PTPRD: variants seen among roughly 807,000 people sequenced by gnomAD.
PTPRD encodes receptor-type tyrosine-protein phosphatase delta.
In PTPRD, 34 loss-of-function variants were observed where a neutral mutation model predicts 214.5. That is an observed-to-expected ratio of 0.16 (90% confidence interval 0.12 to 0.21). The LOEUF is 0.21. Among genes scored for constraint, PTPRD ranks in the 10% least tolerant of loss-of-function variants. The probability of loss-of-function intolerance (pLI) is 1.00; values close to 1 mark genes in which losing one functional copy is unlikely to be tolerated. For synonymous variants in PTPRD, 1,128 were observed against 845.7 expected, an observed-to-expected ratio of 1.33 and a Z score of -5.79; for missense variants, 2,545 against 2,398.7, an observed-to-expected ratio of 1.06 and a Z score of -1.27.
At chr9:9,217,269 T>A (rs1331291546) in intron 9 of PTPRD, among the ~76,000 whole-genome samples, 1 of 152,122 alleles carries the variant, frequency 6.6e-6, no homozygotes. Flanking sequence ...TTTATAAGGG[T>A]CTTGTATAAG....
intron 11 of PTPRD, among the ~76,000 whole-genome samples, chr9:8,788,922 G>GTCC (rs374067761): frequency 0.012 from 1,876 of 152,200 alleles, 42 homozygotes; most frequent in African/African-American, 0.042. Context: ...CCAATTTAAT[G>GTCC]TTTACTGGAC....
At chr9:10,331,966 T>C (rs2096758726) in intron 3 of PTPRD, among the ~76,000 whole-genome samples, 1 of 151,824 alleles carries the variant, frequency 6.6e-6, no homozygotes, top group African/African-American at 2.4e-5. Flanking sequence ...GAGAAGGATA[T>C]ATCGAATCAC....
chr9:10,295,694 G>A (rs2095653918), intron 3 of PTPRD, among the ~76,000 whole-genome samples: 1 of 151,924 alleles, frequency 6.6e-6, no homozygotes, highest in South Asian at 2.1e-4. Context: ...ATGGCAAAAG[G>A]AATTCTTCAG....
intron 6 of PTPRD, among the ~76,000 whole-genome samples, chr9:9,755,343 G>T (rs1398842513): frequency 6.6e-6 from 1 of 151,940 alleles, no homozygotes; most frequent in African/African-American, 2.4e-5. Context: ...GGTAAAAATT[G>T]GGAAAAAATT....
chr9:9,447,633 G>C (rs1329682579), intron 8 of PTPRD, among the ~76,000 whole-genome samples: 1 of 151,958 alleles, frequency 6.6e-6, no homozygotes, highest in Non-Finnish European at 1.5e-5. Flanking sequence ...ATGTTTACCT[G>C]TATGAGAAAC....
chr9:8,927,311 G>T (rs568542515), intron 11 of PTPRD, among the ~76,000 whole-genome samples: 20 of 152,166 alleles, frequency 1.3e-4, no homozygotes, highest in African/African-American at 4.3e-4. Context: ...TCATGGTGGT[G>T]TGCTGCACCC....
chr9:10,480,529 T>C (rs1354528745), intron 2 of PTPRD, among the ~76,000 whole-genome samples: 1 of 151,944 alleles, frequency 6.6e-6, no homozygotes, highest in Non-Finnish European at 1.5e-5. Flanking sequence ...CAAGACATTT[T>C]TTATAAACTT....
At chr9:9,618,103 A>AAG (rs374370020) in intron 7 of PTPRD, among the ~76,000 whole-genome samples, 17 of 144,086 alleles carry the variant, frequency 1.2e-4, no homozygotes, top group Non-Finnish European at 2.3e-4. Flanking sequence ...AAAAAAAAAA[A>AAG]AGATTTTGTC....
intron 8 of PTPRD, among the ~76,000 whole-genome samples, chr9:9,494,349 AAACAGCATTGCATAG>A (rs996151884): frequency 3.9e-5 from 6 of 152,266 alleles, no homozygotes; most frequent in Non-Finnish European, 7.3e-5. Flanking sequence ...AAATGATATC[AAACAGCATTGCATAG>A]AACAAAACTT....
chr9:9,092,546 A>G (rs1197088259), intron 10 of PTPRD, among the ~76,000 whole-genome samples: 1 of 152,052 alleles, frequency 6.6e-6, no homozygotes, highest in South Asian at 2.1e-4. Flanking sequence ...TAGTTATTCT[A>G]TTCACTTATA....
intron 11 of PTPRD, among the ~76,000 whole-genome samples, chr9:8,734,202 C>G (rs2098692399): frequency 6.6e-6 from 1 of 152,126 alleles, no homozygotes; most frequent in African/African-American, 2.4e-5. Context: ...TCTCCTAAAG[C>G]CAACCACCTT....
intron 2 of PTPRD, among the ~76,000 whole-genome samples, chr9:10,350,657 C>T (rs2097166390): frequency 6.6e-6 from 1 of 152,056 alleles, no homozygotes; most frequent in Admixed American, 6.6e-5. Flanking sequence ...AATGGGCCAT[C>T]TGCCAAAACA....
At chr9:9,501,326 G>C (rs1481749720) in intron 8 of PTPRD, among the ~76,000 whole-genome samples, 1 of 151,880 alleles carries the variant, frequency 6.6e-6, no homozygotes, top group Non-Finnish European at 1.5e-5. Context: ...CATGCAAATA[G>C]TAAGCAGAGT....
At chr9:10,282,002 G>T (rs78105268) in intron 3 of PTPRD, among the ~76,000 whole-genome samples, 1 of 150,532 alleles carries the variant, frequency 6.6e-6, no homozygotes, top group African/African-American at 2.4e-5. Context: ...AAAAAAAAAA[G>T]GTGCAAAGTA....
intron 44 of PTPRD, among the ~76,000 whole-genome samples, 168 bp downstream of exon 44, chr9:8,331,410 TTTTC>T (rs879629929): frequency 0.12 from 7,422 of 60,842 alleles, 578 homozygotes; most frequent in African/African-American, 0.5. Context: ...CCTCTGATTA[TTTTC>T]ACTTATTTTC....
intron 3 of PTPRD, among the ~76,000 whole-genome samples, chr9:10,298,267 G>A (rs534926041): frequency 6.6e-5 from 10 of 152,056 alleles, no homozygotes; most frequent in East Asian, 5.8e-4. Context: ...AGGTTGCCTC[G>A]CCTGAAAAGT....
intron 3 of PTPRD, among the ~76,000 whole-genome samples, chr9:10,107,630 T>A (rs1403800732): frequency 6.6e-6 from 1 of 152,114 alleles, no homozygotes; most frequent in Non-Finnish European, 1.5e-5. Flanking sequence ...CTGGCACCAT[T>A]CCTAACAAGT....
At chr9:9,104,202 G>A (rs1238321297) in intron 10 of PTPRD, among the ~76,000 whole-genome samples, 3 of 152,124 alleles carry the variant, frequency 2.0e-5, no homozygotes, top group African/African-American at 7.2e-5. Context: ...TGGCATCAAA[G>A]CATTCAGACA....
intron 2 of PTPRD, among the ~76,000 whole-genome samples, chr9:10,375,897 G>A (rs1763726260): frequency 6.6e-6 from 1 of 151,836 alleles, no homozygotes; most frequent in South Asian, 2.1e-4. Context: ...TTTTGAATTT[G>A]CATTTATCCT....
Sources: allele counts gnomAD v4.1 joint callset (sites outside exome capture counted in the v4.1 genomes callset), GRCh38; gene constraint gnomAD v4.1.1; transcripts MANE v1.5; gene names NCBI Gene and HGNC (gene_info 2026-07-23, HGNC 2026-07-21).